AUTS2: variants seen among roughly 807,000 people sequenced by gnomAD.
AUTS2 encodes the protein activator of transcription and developmental regulator AUTS2.
In AUTS2, 17 loss-of-function variants were observed where a neutral mutation model predicts 112.4. The ratio of observed to expected loss-of-function variants is 0.15; its 90% CI spans 0.10 to 0.23. The LOEUF is 0.23. Among genes scored for constraint, AUTS2 ranks in the 10% least tolerant of loss-of-function variants. AUTS2 has a pLI of 1.00. For synonymous variants in AUTS2, 751 were observed against 702.7 expected, an observed-to-expected ratio of 1.07 and a Z score of -1.09; for missense variants, 1,510 against 1,701.6, an observed-to-expected ratio of 0.89 and a Z score of 1.98.
chr7:70,272,611 G>GT lies in AUTS2; in HGVS notation c.660+138049dup, dbSNP rs367933335. Among the ~76,000 whole-genome samples, 1,266 of 150,152 alleles carry GT rather than the reference G, an allele frequency of 8.4e-3. 7 individuals carry two copies. Among genetic ancestry groups the GT allele is most frequent in the Middle Eastern group, 0.021 (6 of 292 alleles). On this transcript the variant is annotated intron_variant, in intron 4 of 18. Coordinates refer to ENST00000342771, the MANE Select transcript of AUTS2 (RefSeq NM_015570.4). ...TTACTCAGGGGTATTGGGTTCTCTC[G>GT]TTTTTTTTTCTGTCTTTTTCACAAA...
At chr7:70,577,659 G>A (rs887965614) in intron 5 of AUTS2, among the ~76,000 whole-genome samples, 1 of 152,114 alleles carries the variant, frequency 6.6e-6, no homozygotes, top group African/African-American at 2.4e-5. Context: ...CCACAGCTAC[G>A]GCAACAGTTT....
chr7:70,750,841 C>A (rs1256361130), intron 6 of AUTS2, among the ~76,000 whole-genome samples: 2 of 152,170 alleles, frequency 1.3e-5, no homozygotes, highest in Non-Finnish European at 2.9e-5. Context: ...TGGTAGATGA[C>A]GGACAGTATG....
At chr7:70,637,109 C>T (rs1805573420) in intron 5 of AUTS2, among the ~76,000 whole-genome samples, 1 of 152,194 alleles carries the variant, frequency 6.6e-6, no homozygotes, top group Non-Finnish European at 1.5e-5. Flanking sequence ...AGGCTTTAAA[C>T]TTGGTAGAGC....
intron 5 of AUTS2, among the ~76,000 whole-genome samples, chr7:70,625,528 G>A (rs1041525950): frequency 6.6e-6 from 1 of 152,208 alleles, no homozygotes; most frequent in African/African-American, 2.4e-5. Flanking sequence ...GTCAACTTTT[G>A]TTGTGATTTC....
chr7:69,672,643 C>A (rs1235000644), intron 1 of AUTS2, among the ~76,000 whole-genome samples: 2 of 152,178 alleles, frequency 1.3e-5, no homozygotes, highest in African/African-American at 4.8e-5. Flanking sequence ...AGGCAGTCTA[C>A]CACAAATACT....
intron 2 of AUTS2, among the ~76,000 whole-genome samples, chr7:70,048,394 C>T (rs1377231387): frequency 6.6e-6 from 1 of 152,206 alleles, no homozygotes; most frequent in South Asian, 2.1e-4. Flanking sequence ...CAGCTAATAG[C>T]TCCATCCTTG....
At chr7:70,352,750 A>G (rs767309811) in intron 4 of AUTS2, among the ~76,000 whole-genome samples, 34 of 152,224 alleles carry the variant, frequency 2.2e-4, no homozygotes, top group Non-Finnish European at 4.6e-4. Context: ...ATTTTAAATG[A>G]AATGCTTCGT....
At chr7:70,628,978 G>A (rs917311505) in intron 5 of AUTS2, among the ~76,000 whole-genome samples, 9 of 152,132 alleles carry the variant, frequency 5.9e-5, no homozygotes, top group Non-Finnish European at 1.2e-4. Context: ...AAGTGCCTGT[G>A]GAAGAGCCAA....
chr7:70,671,298 C>G (rs376327709), intron 5 of AUTS2, among the ~76,000 whole-genome samples: 1 of 152,236 alleles, frequency 6.6e-6, no homozygotes, highest in Non-Finnish European at 1.5e-5. Context: ...TGGGCAGCCA[C>G]TCATAGCCTT....
At chr7:70,037,465 C>CTA (rs1801057390) in intron 2 of AUTS2, among the ~76,000 whole-genome samples, 1 of 152,038 alleles carries the variant, frequency 6.6e-6, no homozygotes, top group South Asian at 2.1e-4. Flanking sequence ...TAACCTTTTA[C>CTA]TATATATATG....
intron 1 of AUTS2, among the ~76,000 whole-genome samples, chr7:69,632,321 A>T (rs1369851813): frequency 6.6e-6 from 1 of 152,222 alleles, no homozygotes; most frequent in Non-Finnish European, 1.5e-5. Context: ...ATTACCCGGC[A>T]TACTGAGCAC....
At chr7:70,238,210 T>C (rs1048138203) in intron 4 of AUTS2, among the ~76,000 whole-genome samples, 1 of 152,208 alleles carries the variant, frequency 6.6e-6, no homozygotes. Context: ...GCTTGCTGTC[T>C]TCTTAAAAAT....
At chr7:69,887,670 T>C (rs1286758012) in intron 1 of AUTS2, among the ~76,000 whole-genome samples, 3 of 152,318 alleles carry the variant, frequency 2.0e-5, no homozygotes, top group African/African-American at 4.8e-5. Context: ...ATGTGACTTA[T>C]TACTAATCAG....
At chr7:70,099,834 T>G (rs533809175) in intron 2 of AUTS2, among the ~76,000 whole-genome samples, 139 of 152,312 alleles carry the variant, frequency 9.1e-4, no homozygotes, top group African/African-American at 2.9e-3. Context: ...AGAACAGAAA[T>G]AGTAGAAAGA....
intron 2 of AUTS2, among the ~76,000 whole-genome samples, chr7:70,026,266 T>G (rs967607277): frequency 6.6e-6 from 1 of 152,204 alleles, no homozygotes; most frequent in Non-Finnish European, 1.5e-5. Context: ...CTTTACCTTC[T>G]TTGTAGCTCC....
At chr7:70,517,429 C>G (rs1799459449) in intron 5 of AUTS2, among the ~76,000 whole-genome samples, 1 of 152,002 alleles carries the variant, frequency 6.6e-6, no homozygotes, top group Non-Finnish European at 1.5e-5. Context: ...TCTTCTACCT[C>G]AAAATGATAC....
chr7:70,379,531 A>G (rs1793272943), intron 4 of AUTS2, among the ~76,000 whole-genome samples: 1 of 151,984 alleles, frequency 6.6e-6, no homozygotes, highest in Admixed American at 6.6e-5. Flanking sequence ...AAGAAAAACT[A>G]TCATTAGACT....
intron 4 of AUTS2, among the ~76,000 whole-genome samples, chr7:70,204,402 GAATT>G (rs1467696325): frequency 1.3e-5 from 2 of 152,072 alleles, no homozygotes; most frequent in African/African-American, 4.8e-5. Context: ...TGAAATAAAT[GAATT>G]AATTGAGTCA....
chr7:70,668,235 T>C (rs1484159665), intron 5 of AUTS2, among the ~76,000 whole-genome samples: 1 of 152,208 alleles, frequency 6.6e-6, no homozygotes, highest in Non-Finnish European at 1.5e-5. Context: ...TGCGTCAGCC[T>C]CCCAAAGTGC....
Sources: allele counts gnomAD v4.1 joint callset (sites outside exome capture counted in the v4.1 genomes callset), GRCh38; gene constraint gnomAD v4.1.1; transcripts MANE v1.5; gene names NCBI Gene and HGNC (gene_info 2026-07-23, HGNC 2026-07-21).